Variants in USP28 observed in about 807,000 individuals in gnomAD.
USP28 encodes the protein ubiquitin carboxyl-terminal hydrolase 28.
In USP28, 113 loss-of-function variants were observed where a neutral mutation model predicts 145.0. The observed-to-expected ratio is 0.78, with a 90% CI of 0.67 to 0.91. The LOEUF is 0.91. Ranked by LOEUF, USP28 falls within the 40% of genes least tolerant of loss-of-function variation. The probability of loss-of-function intolerance (pLI) is 0.00; values close to 1 mark genes in which losing one functional copy is unlikely to be tolerated. For missense variants in USP28, 1,201 were observed against 1,289.6 expected, an observed-to-expected ratio of 0.93 and a Z score of 1.05; for synonymous variants, 447 against 450.9, an observed-to-expected ratio of 0.99 and a Z score of 0.11.
intron 6 of USP28, 145 bp downstream of exon 6, chr11:113,834,104 A>T: frequency 1.8e-6 from 1 of 560,872 alleles, no homozygotes; most frequent in Non-Finnish European, 3.0e-6. Context: ...ATCCCAAAAA[A>T]GGAAAATGAG....
At chr11:113,817,673 T>C in exon 13 of USP28, 2 of 1,613,380 alleles carry the variant, frequency 1.2e-6, no homozygotes, top group Non-Finnish European at 1.7e-6. Context: ...CTTGGATGTC[T>C]GGTCAGAAAC....
chr11:113,812,261 C>A lies in USP28; in HGVS notation c.1972+15G>T, dbSNP rs764522580. 3 of 1,606,320 alleles carry A rather than the reference C, an allele frequency of 1.9e-6. No homozygotes were observed. Among genetic ancestry groups the A allele is most frequent in the African/African-American group, 2.7e-5 (2 of 74,712 alleles). On this transcript the variant is annotated intron_variant, in intron 16 of 24. Coordinates refer to ENST00000003302, the Ensembl canonical transcript of USP28. ...GATTTTCCCCAATCTATAGATTCTG[C>A]CAAGATACTTTTACCTGCATTGAAG...
chr11:113,799,396 T>C, exon 25 of USP28: 1 of 1,613,514 alleles, frequency 6.2e-7, no homozygotes, highest in South Asian at 1.1e-5. Context: ...GAAACTCCCC[T>C]AGGCACAGCT....
At chr11:113,867,389 C>A (rs1253257271) in intron 1 of USP28, among the ~76,000 whole-genome samples, 1 of 152,036 alleles carries the variant, frequency 6.6e-6, no homozygotes, top group Non-Finnish European at 1.5e-5. Context: ...GCCTCAGCCT[C>A]CCAAGTAGCT....
chr11:113,807,415 A>C (rs1940195901), intron 18 of USP28, among the ~76,000 whole-genome samples: 1 of 152,028 alleles, frequency 6.6e-6, no homozygotes, highest in Non-Finnish European at 1.5e-5. Flanking sequence ...CAGAAAAAAA[A>C]CAGAAATCTG....
intron 1 of USP28, among the ~76,000 whole-genome samples, chr11:113,873,343 G>A (rs1454551048): frequency 1.3e-5 from 2 of 152,164 alleles, no homozygotes; most frequent in African/African-American, 4.8e-5. Context: ...CAAATCACTG[G>A]GAAGAACAGT....
chr11:113,842,309 G>C (rs1171832332), intron 3 of USP28, among the ~76,000 whole-genome samples: 3 of 152,090 alleles, frequency 2.0e-5, no homozygotes, highest in Admixed American at 1.3e-4. Flanking sequence ...AAGTTGGCTG[G>C]GCGCAGTGGC....
chr11:113,834,444 T>C, intron 5 of USP28, 109 bp from the exon 6 acceptor site: 1 of 708,268 alleles, frequency 1.4e-6, no homozygotes, highest in East Asian at 3.1e-5. Flanking sequence ...TATGCAAAAC[T>C]ATCAACCTGG....
intron 12 of USP28, chr11:113,821,866 G>A (rs996121860): frequency 6.7e-4 from 106 of 158,594 alleles, no homozygotes; most frequent in Non-Finnish European, 2.0e-4. Context: ...AATCCCGATT[G>A]AGGAGTCAGG....
chr11:113,862,598 G>C (rs1947805820), intron 1 of USP28, among the ~76,000 whole-genome samples: 1 of 152,180 alleles, frequency 6.6e-6, no homozygotes, highest in Admixed American at 6.5e-5. Context: ...TAAACGAACT[G>C]TGACGAGAGA....
At chr11:113,812,578 T>A in intron 15 of USP28, 74 bp from the exon 16 acceptor site, 1 of 1,344,440 alleles carries the variant, frequency 7.4e-7, no homozygotes, top group Non-Finnish European at 1.0e-6. Flanking sequence ...ATTAAGAAAT[T>A]ACTGTTTATG....
In USP28 at chr11:113,874,423, G is replaced by GGA. The variant is rs1319889656; in HGVS notation, c.57+1021_57+1022insTC. ...CTAGGCAACAGAGGGAGACTCTGTC[G>GGA]AAAAAAAAAAAAAAAAAAAAAAAAA... On this transcript the variant is annotated intron_variant, in intron 1 of 24. Coordinates refer to ENST00000003302, the Ensembl canonical transcript of USP28. 856 of 414,072 alleles carry GGA rather than the reference G, an allele frequency of 2.1e-3. 14 individuals carry two copies. The African/African-American group carries it at 0.039, about 19-fold the overall frequency. 25.6% of individuals were successfully genotyped at this position (414,072 alleles called of 1,614,324 possible). A position where few individuals can be genotyped will look rare whatever the true frequency, so the allele number is the denominator to read the frequency against.
At chr11:113,818,818 G>C (rs188846412) in intron 12 of USP28, among the ~76,000 whole-genome samples, 1 of 151,674 alleles carries the variant, frequency 6.6e-6, no homozygotes, top group East Asian at 2.0e-4. Context: ...CCAAGATCAT[G>C]CCACTGTGCT....
At chr11:113,819,112 A>C (rs938086686) in intron 12 of USP28, among the ~76,000 whole-genome samples, 1 of 150,482 alleles carries the variant, frequency 6.6e-6, no homozygotes, top group Non-Finnish European at 1.5e-5. Context: ...GAGCATTTTT[A>C]TTCTTTTTTT....
chr11:113,851,053 C>G (rs1946392379), intron 3 of USP28, among the ~76,000 whole-genome samples: 2 of 152,102 alleles, frequency 1.3e-5, no homozygotes. Context: ...TTTAACTCCT[C>G]TCTCTCTCAC....
intron 3 of USP28, among the ~76,000 whole-genome samples, chr11:113,844,854 C>T (rs1302141316): frequency 2.0e-5 from 3 of 152,056 alleles, no homozygotes; most frequent in East Asian, 3.9e-4. Context: ...CCTGTAATCC[C>T]AGCACTTTGA....
intron 3 of USP28, among the ~76,000 whole-genome samples, chr11:113,845,414 C>T (rs992287573): frequency 3.4e-5 from 5 of 147,632 alleles, no homozygotes; most frequent in Non-Finnish European, 4.5e-5. Flanking sequence ...CCAACCTGGG[C>T]GAAAGGTAAA....
At chr11:113,823,577 TC>T in intron 12 of USP28, 27 bp downstream of exon 12, 1 of 1,465,138 alleles carries the variant, frequency 6.8e-7, no homozygotes, top group Non-Finnish European at 9.4e-7. Context: ...CTTTTACATT[TC>T]TAAGCATGAA....
At chr11:113,869,979 A>C (rs964837659) in intron 1 of USP28, among the ~76,000 whole-genome samples, 1 of 152,082 alleles carries the variant, frequency 6.6e-6, no homozygotes. Flanking sequence ...CCTGACAAAC[A>C]TGGAGAAACC....
Sources: gnomAD v4.1 joint callset for allele counts (sites outside exome capture counted in the v4.1 genomes callset) on GRCh38, gnomAD v4.1.1 for gene constraint, MANE v1.5 for transcripts, NCBI Gene and HGNC (gene_info 2026-07-23, HGNC 2026-07-21) for gene names.